The following ITGA1 variants were observed in gnomAD, a reference collection of about 807,000 sequenced individuals.
ITGA1 encodes the protein integrin subunit alpha 1, also known as integrin alpha-1.
Under a neutral mutation model 145.9 loss-of-function variants are expected in ITGA1, and 85 were observed. The ratio of observed to expected loss-of-function variants is 0.58; its 90% CI spans 0.49 to 0.70. The LOEUF is 0.70. ITGA1 is among the 30% of genes least tolerant of loss of function. The pLI is 0.00. For synonymous variants in ITGA1, 520 were observed against 495.3 expected, an observed-to-expected ratio of 1.05 and a Z score of -0.66; for missense variants, 1,351 against 1,418.7, an observed-to-expected ratio of 0.95 and a Z score of 0.77.
chr5:52,932,183 G>A, intron 22 of ITGA1, 47 bp downstream of exon 22: 1 of 1,216,942 alleles, frequency 8.2e-7, no homozygotes, highest in Non-Finnish European at 1.2e-6. Context: ...TATTAACCCA[G>A]TGGTTCTGAA....
At chr5:52,864,239 A>T (rs1412426087) in intron 3 of ITGA1, among the ~76,000 whole-genome samples, 2 of 152,116 alleles carry the variant, frequency 1.3e-5, no homozygotes, top group Non-Finnish European at 2.9e-5. Context: ...TGTTTCCTTT[A>T]TCAAAACTTT....
chr5:52,893,894 T>G, intron 9 of ITGA1, 54 bp downstream of exon 9: 1 of 1,404,974 alleles, frequency 7.1e-7, no homozygotes, highest in East Asian at 2.3e-5. Flanking sequence ...AAAATCAGTA[T>G]AATGGGATTT....
chr5:52,822,845 A>G (rs1748900977), intron 1 of ITGA1, among the ~76,000 whole-genome samples: 1 of 152,186 alleles, frequency 6.6e-6, no homozygotes, highest in South Asian at 2.1e-4. Flanking sequence ...CAGAGCAAGA[A>G]AATTGTTTTC....
intron 2 of ITGA1, among the ~76,000 whole-genome samples, chr5:52,855,066 G>T (rs936851044): frequency 6.6e-6 from 1 of 152,154 alleles, no homozygotes; most frequent in Admixed American, 6.5e-5. Flanking sequence ...CAATGTGCCT[G>T]GGCCTTCACC....
At chr5:52,799,711 G>A (rs1234728796) in intron 1 of ITGA1, among the ~76,000 whole-genome samples, 1 of 152,234 alleles carries the variant, frequency 6.6e-6, no homozygotes, top group Non-Finnish European at 1.5e-5. Flanking sequence ...GTGCGGATAA[G>A]GCAAGAGCAA....
intron 2 of ITGA1, among the ~76,000 whole-genome samples, chr5:52,853,651 C>T (rs1749461731): frequency 6.6e-6 from 1 of 152,158 alleles, no homozygotes; most frequent in Admixed American, 6.5e-5. Context: ...CTTATGTCCT[C>T]TTTACTGTTC....
intron 1 of ITGA1, among the ~76,000 whole-genome samples, chr5:52,829,764 T>G (rs1236820214): frequency 2.0e-5 from 3 of 152,204 alleles, no homozygotes; most frequent in Admixed American, 6.6e-5. Context: ...AGACATTTTT[T>G]TGTGTGTGTT....
At chr5:52,918,686 A>C in intron 15 of ITGA1, 46 bp from the exon 16 acceptor site, 1 of 1,572,600 alleles carries the variant, frequency 6.4e-7, no homozygotes, top group Non-Finnish European at 8.6e-7. Flanking sequence ...GATGACATTC[A>C]TTAAATGTAA....
intron 2 of ITGA1, among the ~76,000 whole-genome samples, chr5:52,849,810 G>T (rs1045790258): frequency 6.6e-6 from 1 of 152,078 alleles, no homozygotes; most frequent in African/African-American, 2.4e-5. Context: ...TAGCTTAAAT[G>T]CACTTGTTTG....
intron 1 of ITGA1, among the ~76,000 whole-genome samples, chr5:52,830,287 G>A (rs1252197492): frequency 1.3e-5 from 2 of 151,520 alleles, no homozygotes; most frequent in African/African-American, 4.8e-5. Flanking sequence ...TTTCTTTTTT[G>A]GATAGTATTC....
In ITGA1 at chr5:52,908,970, G is replaced by C; in HGVS notation, c.1528G>C (p.Val510Leu). ...GGATTCTAATACTGACATTCTTCTA[G>C]TCGGAGCCCCTATGTACATGGGAAC... ...DKDSNTDILL[V>L]GAPMYMGTEK... The change falls in exon 13 of 29, where the codon GTC becomes CTC. Residue 510 changes from valine (V) to leucine (L), a missense_variant. Physicochemically the swap from Val to Leu is conservative, Grantham distance 32. Coordinates refer to ENST00000282588, the MANE Select transcript of ITGA1 (RefSeq NM_181501.2). 6.2e-7 allele frequency: 1 copy of C among 1,613,848 alleles called. No homozygotes were observed. Among genetic ancestry groups the C allele is most frequent in the Non-Finnish European group, 8.5e-7 (1 of 1,179,832 alleles).
At chr5:52,945,906 G>A (rs988693394) in intron 27 of ITGA1, among the ~76,000 whole-genome samples, 1 of 152,186 alleles carries the variant, frequency 6.6e-6, no homozygotes, top group Non-Finnish European at 1.5e-5. Flanking sequence ...CTTAGCATAA[G>A]CAATGCAAAA....
chr5:52,872,397 A>G (rs1476573387), intron 6 of ITGA1, among the ~76,000 whole-genome samples: 1 of 152,090 alleles, frequency 6.6e-6, no homozygotes, highest in Non-Finnish European at 1.5e-5. Flanking sequence ...AGGCACTAGA[A>G]TAATCATTCC....
At chr5:52,924,867 T>G (rs892712126) in intron 18 of ITGA1, among the ~76,000 whole-genome samples, 6 of 152,224 alleles carry the variant, frequency 3.9e-5, no homozygotes, top group African/African-American at 4.8e-5. Flanking sequence ...GATTTGTGGC[T>G]TGACCGTTTT....
chr5:52,788,270 TG>T lies in ITGA1; in HGVS notation c.-82del. 9.1e-7 allele frequency: 1 copy of T among 1,097,898 alleles called. No homozygotes were observed. The highest frequency in any genetic ancestry group is 1.7e-5 in the African/African-American group (1 of 60,124). The allele number at this position is 1,097,898 out of a possible 1,614,324, so 68.0% of individuals were successfully genotyped here. On this transcript the variant is annotated 5_prime_UTR_variant, in exon 1 of 29. Coordinates refer to ENST00000282588, the MANE Select transcript of ITGA1 (RefSeq NM_181501.2). The stretch of plus-strand genomic sequence containing the variant: ...CTGGGAACCGCGGCAGCGGGATAAG[TG>T]GCCCAGCCAGAGAGCGCAGCTCCCG...
chr5:52,908,280 A>C (rs951621590), intron 12 of ITGA1, among the ~76,000 whole-genome samples: 1 of 152,234 alleles, frequency 6.6e-6, no homozygotes, highest in African/African-American at 2.4e-5. Flanking sequence ...AAAATTAAGC[A>C]TTTAGGTAAT....
chr5:52,838,057 A>G (rs1382808310), intron 1 of ITGA1, among the ~76,000 whole-genome samples: 1 of 152,210 alleles, frequency 6.6e-6, no homozygotes, highest in African/African-American at 2.4e-5. Flanking sequence ...GTGAATAACA[A>G]GTTACATTCG....
In ITGA1 at chr5:52,953,504, T is replaced by C. The variant is rs981784042; in HGVS notation, c.*1053T>C. ...ATTTAATTTCCAACCACACTTCTTA[T>C]TTTTTTGAAAAGACAATTTTCCATT... On this transcript the variant is annotated 3_prime_UTR_variant, in exon 29 of 29. Coordinates refer to ENST00000282588, the MANE Select transcript of ITGA1 (RefSeq NM_181501.2). 4 of 152,200 alleles carry C rather than the reference T, an allele frequency of 2.6e-5. No homozygotes were observed. Among genetic ancestry groups the C allele is most frequent in the African/African-American group, 9.6e-5 (4 of 41,454 alleles). 9.4% of individuals were successfully genotyped at this position (152,200 alleles called of 1,614,324 possible). A position where few individuals can be genotyped will look rare whatever the true frequency, so the allele number is the denominator to read the frequency against.
chr5:52,952,304 A>G, intron 28 of ITGA1, 103 bp from the exon 29 acceptor site: 1 of 528,562 alleles, frequency 1.9e-6, no homozygotes, highest in Non-Finnish European at 3.4e-6. Flanking sequence ...TTGTGTGCCC[A>G]GCATTGCCAA....
Sources: gnomAD v4.1 joint callset for allele counts (sites outside exome capture counted in the v4.1 genomes callset) on GRCh38, gnomAD v4.1.1 for gene constraint, MANE v1.5 for transcripts, NCBI Gene and HGNC (gene_info 2026-07-23, HGNC 2026-07-21) for gene names.